Variants in LIMS1 observed in about 807,000 individuals in gnomAD.
LIMS1 encodes the protein LIM zinc finger domain containing 1, also known as LIM and senescent cell antigen-like-containing domain protein 1.
In LIMS1, 18 loss-of-function variants were observed where a neutral mutation model predicts 44.1. The ratio of observed to expected loss-of-function variants is 0.41; its 90% CI spans 0.28 to 0.61. The LOEUF (loss-of-function observed/expected upper bound fraction) is 0.61, where lower values mean the gene tolerates loss of function less well. Ranked by LOEUF, LIMS1 falls within the 20% of genes least tolerant of loss-of-function variation. The pLI is 0.32. For missense variants in LIMS1, 201 were observed against 422.0 expected (o/e 0.48, Z 4.59); for synonymous variants, 93 against 149.1 (o/e 0.62, Z 2.74).
chr2:108,596,905 C>T (rs1359792123), intron 1 of LIMS1, among the ~76,000 whole-genome samples: 1 of 144,236 alleles, frequency 6.9e-6, no homozygotes, highest in South Asian at 2.2e-4. Context: ...AATTTCCCTA[C>T]GAAACATCTG....
chr2:108,601,036 C>T (rs1490390487), intron 1 of LIMS1, among the ~76,000 whole-genome samples: 10 of 151,992 alleles, frequency 6.6e-5, no homozygotes, highest in African/African-American at 1.9e-4. Context: ...TGGGTTCAAG[C>T]GATTCTCCTG....
chr2:108,590,849 C>T (rs1038961481), intron 1 of LIMS1, among the ~76,000 whole-genome samples: 2 of 152,170 alleles, frequency 1.3e-5, no homozygotes, highest in South Asian at 2.1e-4. Context: ...CTGTGTTTTC[C>T]GCTTTAGCCT....
At chr2:108,539,239 A>G (rs1339454036) in intron 1 of LIMS1, among the ~76,000 whole-genome samples, 1 of 152,146 alleles carries the variant, frequency 6.6e-6, no homozygotes, top group Non-Finnish European at 1.5e-5. Flanking sequence ...ACATGCCACT[A>G]TGCCCGGCTA....
chr2:108,631,714 G>A (rs140438285), intron 1 of LIMS1, among the ~76,000 whole-genome samples: 20 of 152,260 alleles, frequency 1.3e-4, no homozygotes, highest in Middle Eastern at 3.4e-3. Flanking sequence ...GCTGTGATGC[G>A]TACGGCATCC....
chr2:108,660,477 A>G (rs1691283276), intron 2 of LIMS1: 3 of 369,588 alleles, frequency 8.1e-6, no homozygotes, highest in South Asian at 6.3e-5. Context: ...TGTATAGCCC[A>G]GGCTAGAGTG....
intron 1 of LIMS1, among the ~76,000 whole-genome samples, chr2:108,572,832 T>C (rs78115908): frequency 0.05 from 7,653 of 152,228 alleles, 276 homozygotes; most frequent in South Asian, 0.15. Flanking sequence ...TCTCTAACAT[T>C]CTGGAACTGG....
intron 2 of LIMS1, among the ~76,000 whole-genome samples, chr2:108,670,463 A>G (rs1692091924): frequency 6.6e-6 from 1 of 152,160 alleles, no homozygotes; most frequent in African/African-American, 2.4e-5. Context: ...GAGGTGATCC[A>G]TAGCTTTCAT....
At chr2:108,590,334 G>A (rs1686318196) in intron 1 of LIMS1, among the ~76,000 whole-genome samples, 1 of 152,072 alleles carries the variant, frequency 6.6e-6, no homozygotes, top group African/African-American at 2.4e-5. Flanking sequence ...TATTTTTCAT[G>A]GATAAGAAAG....
intron 1 of LIMS1, among the ~76,000 whole-genome samples, chr2:108,583,390 T>C (rs1331555366): frequency 6.6e-6 from 1 of 151,892 alleles, no homozygotes; most frequent in Non-Finnish European, 1.5e-5. Flanking sequence ...ACTAATGTTT[T>C]CCTGAGTGAC....
chr2:108,624,925 A>G (rs1210940935), intron 1 of LIMS1, among the ~76,000 whole-genome samples: 2 of 152,116 alleles, frequency 1.3e-5, no homozygotes, highest in African/African-American at 2.4e-5. Flanking sequence ...CTAAAATATA[A>G]AAAATTAGCC....
Position 108,645,346 on chromosome 2 carries a change from C to G in LIMS1, c.33-14259C>G, listed in dbSNP as rs570088057. On this transcript the variant is annotated intron_variant, in intron 1 of 9. Coordinates refer to ENST00000544547, the Ensembl canonical transcript of LIMS1. Reference sequence around the variant, plus strand: ...AGAGTGGGGGCCAATATTCAAAATTCTTAAAGGAAAGAATTTTCAATCCAG... The same window carrying G: ...AGAGTGGGGGCCAATATTCAAAATTGTTAAAGGAAAGAATTTTCAATCCAG... Among the ~76,000 whole-genome samples the G allele has an allele frequency of 5.3e-5, 8 of 152,272 alleles. No individual in the cohort carries two copies. In the East Asian group the frequency reaches 1.5e-3, roughly 29 times the overall value.
intron 1 of LIMS1, among the ~76,000 whole-genome samples, chr2:108,642,176 G>A (rs1334143152): frequency 1.3e-5 from 2 of 152,074 alleles, no homozygotes; most frequent in Non-Finnish European, 2.9e-5. Flanking sequence ...ATAGAATGAA[G>A]CATTTACTAA....
intron 1 of LIMS1, among the ~76,000 whole-genome samples, chr2:108,611,854 T>TATATATATATATATACAC (rs771325535): frequency 2.4e-5 from 3 of 125,250 alleles, no homozygotes; most frequent in African/African-American, 5.5e-5. Flanking sequence ...TATATATATA[T>TATATATATATATATACAC]ACACACATAT....
intron 1 of LIMS1, among the ~76,000 whole-genome samples, chr2:108,592,889 T>C (rs1460465436): frequency 6.6e-6 from 1 of 152,220 alleles, no homozygotes; most frequent in Non-Finnish European, 1.5e-5. Flanking sequence ...AATGTTCCCC[T>C]TTTTATTGTA....
chr2:108,649,418 G>C (rs549292653), intron 1 of LIMS1, among the ~76,000 whole-genome samples: 1 of 152,158 alleles, frequency 6.6e-6, no homozygotes, highest in Non-Finnish European at 1.5e-5. Context: ...ACAGTGTGCC[G>C]ATTCCTCAAG....
At chr2:108,603,421 A>G (rs1039415530) in intron 1 of LIMS1, among the ~76,000 whole-genome samples, 3 of 150,066 alleles carry the variant, frequency 2.0e-5, no homozygotes, top group Non-Finnish European at 4.4e-5. Flanking sequence ...TTATTGGCAT[A>G]TAGTTGCTCA....
At chr2:108,581,304 A>G (rs1252242423) in intron 1 of LIMS1, among the ~76,000 whole-genome samples, 1 of 152,254 alleles carries the variant, frequency 6.6e-6, no homozygotes, top group Admixed American at 6.5e-5. Context: ...GCCAACTAAC[A>G]TATGACTAAG....
intron 1 of LIMS1, among the ~76,000 whole-genome samples, chr2:108,539,471 A>G (rs1325405131): frequency 6.6e-6 from 1 of 152,202 alleles, no homozygotes; most frequent in East Asian, 1.9e-4. Flanking sequence ...CTGTCCCTTC[A>G]TGGCTCTTTG....
At chr2:108,568,271 G>T (rs1386987603) in intron 1 of LIMS1, among the ~76,000 whole-genome samples, 1 of 152,140 alleles carries the variant, frequency 6.6e-6, no homozygotes, top group Non-Finnish European at 1.5e-5. Flanking sequence ...ACCTCCTATA[G>T]GTGGAATCAT....
Sources: allele counts gnomAD v4.1 joint callset (sites outside exome capture counted in the v4.1 genomes callset), GRCh38; gene constraint gnomAD v4.1.1; transcripts MANE v1.5; gene names NCBI Gene and HGNC (gene_info 2026-07-23, HGNC 2026-07-21).